The following VLDLR variants were observed in gnomAD, a reference collection of about 807,000 sequenced individuals.
VLDLR encodes the protein very low density lipoprotein receptor.
VLDLR carries 81 observed loss-of-function variants against 112.7 expected under a neutral mutation model. The ratio of observed to expected loss-of-function variants is 0.72; its 90% CI spans 0.60 to 0.86. The LOEUF (loss-of-function observed/expected upper bound fraction) is 0.86, where lower values mean the gene tolerates loss of function less well. Among genes scored for constraint, VLDLR ranks in the 40% least tolerant of loss-of-function variants. The pLI, the probability that VLDLR is intolerant of heterozygous loss-of-function variation, is 0.00. For missense variants in VLDLR, 1,237 were observed against 1,099.4 expected (o/e 1.13, Z -1.77); for synonymous variants, 436 against 384.8 (o/e 1.13, Z -1.56).
chr9:2,648,885 T>C, intron 14 of VLDLR, 75 bp downstream of exon 14: 1 of 1,593,692 alleles, frequency 6.3e-7, no homozygotes, highest in Non-Finnish European at 8.6e-7. Flanking sequence ...TGGATGTCAG[T>C]AGCTCTTGGC....
Position 2,635,569 on chromosome 9 carries a change from T to C in VLDLR, c.199T>C (p.Cys67Arg). The C allele has an allele frequency of 3.1e-6, 5 of 1,614,048 alleles. No individual in the cohort carries two copies. Among genetic ancestry groups the C allele is most frequent in the Non-Finnish European group, 4.2e-6 (5 of 1,179,896 alleles). The change falls in exon 2 of 19, where the codon TGT (cysteine) becomes CGT (arginine). Residue 67 changes from cysteine (C) to arginine (R), a missense_variant. Transcript: ENST00000382100. ...DCVDGSDEKN[C>R]VKKTCAESDF... Reference sequence around the variant, plus strand: ...TGTTGACGGCAGTGATGAAAAGAACTGTGGTAAGTAAAGAGTTTGATGACT... The same window carrying C: ...TGTTGACGGCAGTGATGAAAAGAACCGTGGTAAGTAAAGAGTTTGATGACT...
chr9:2,645,465 A>G, intron 9 of VLDLR, 109 bp from the exon 10 acceptor site: 3 of 1,349,006 alleles, frequency 2.2e-6, no homozygotes, highest in Non-Finnish European at 3.2e-6. Context: ...CTACTGAGGT[A>G]TTCCACAATA....
rs1231859554 is a variant in VLDLR, at chr9:2,622,048, C to G, written c.-142C>G. The G allele has an allele frequency of 1.2e-6, 1 of 813,562 alleles. No homozygotes were observed. The highest frequency in any genetic ancestry group is 3.2e-5 in the East Asian group (1 of 31,276). 50.4% of individuals were successfully genotyped at this position (813,562 alleles called of 1,614,324 possible). A position where few individuals can be genotyped will look rare whatever the true frequency, so the allele number is the denominator to read the frequency against. Reference sequence around the variant, plus strand: ...GTGCCCTCTTCTTCCCCGCTCCCTTCCCCCGCCAACTCCTTCCCCTCCTTC... The same window carrying G: ...GTGCCCTCTTCTTCCCCGCTCCCTTGCCCCGCCAACTCCTTCCCCTCCTTC... On this transcript the variant is annotated 5_prime_UTR_variant, in exon 1 of 19. Transcript: ENST00000382100.
chr9:2,651,604 A>G (rs1001034241), intron 16 of VLDLR, 106 bp downstream of exon 16: 7 of 1,085,074 alleles, frequency 6.5e-6, no homozygotes, highest in African/African-American at 1.6e-5. Context: ...TTCTGCCCCA[A>G]TTGGTAACCT....
intron 16 of VLDLR, 141 bp downstream of exon 16, chr9:2,651,639 ACTTGCATATCTTTTC>A (rs1421852338): frequency 2.2e-6 from 2 of 917,438 alleles, no homozygotes; most frequent in African/African-American, 1.7e-5. Context: ...AAGACTTAAA[ACTTGCATATCTTTTC>A]CTGACTGATC....
chr9:2,648,639 G>A (rs1249574531), intron 13 of VLDLR, 30 bp from the exon 14 acceptor site: 14 of 1,614,068 alleles, frequency 8.7e-6, no homozygotes, highest in Middle Eastern at 1.6e-4. Context: ...AATCCTGGAT[G>A]TACATGCTAA....
intron 11 of VLDLR, 105 bp from the exon 12 acceptor site, chr9:2,647,369 G>A (rs1428470618): frequency 4.6e-6 from 4 of 870,352 alleles, no homozygotes; most frequent in South Asian, 1.3e-5. Context: ...TGTCACTAGA[G>A]AATGCCTTGA....
chr9:2,659,594 A>G lies in VLDLR; in HGVS notation c.*5726A>G, dbSNP rs1459639281. 1 of 152,250 alleles carries G rather than the reference A, an allele frequency of 6.6e-6. No individual in the cohort carries two copies. The highest frequency in any genetic ancestry group is 1.5e-5 in the Non-Finnish European group (1 of 68,036). The allele number at this position is 152,250 out of a possible 1,614,324, so 9.4% of individuals were successfully genotyped here. A position where few individuals can be genotyped will look rare whatever the true frequency, so the allele number is the denominator to read the frequency against. On this transcript the variant is annotated 3_prime_UTR_variant, in exon 19 of 19. Transcript: ENST00000382100. Reference sequence around the variant, plus strand: ...AGGCAACTTCATTCCTATGTATAAGATATTGGGAGAAAACAAACTGTACCA... The same window carrying G: ...AGGCAACTTCATTCCTATGTATAAGGTATTGGGAGAAAACAAACTGTACCA...
chr9:2,622,428 C>G (rs901748335), intron 1 of VLDLR, 157 bp downstream of exon 1: 18 of 633,948 alleles, frequency 2.8e-5, no homozygotes, highest in African/African-American at 3.9e-5. Context: ...CGCCTCTGAG[C>G]TGTCAGCGCC....
rs771423334 is a variant in VLDLR at position 2,648,829 on chromosome 9, G to A, written c.2104+19G>A. The A allele has an allele frequency of 3.1e-6, 5 of 1,614,094 alleles. No homozygotes were observed. Among genetic ancestry groups the A allele is most frequent in the Non-Finnish European group, 3.4e-6 (4 of 1,179,994 alleles). On this transcript the variant is annotated intron_variant, in intron 14 of 18. Coordinates refer to ENST00000382100, the MANE Select transcript of VLDLR (RefSeq NM_003383.5). Reference sequence around the variant, plus strand: ...CCATCAGGTACCGTGGAGAAGCACAGTCCTTAATAACTACTTTAAGGGAAG... The same window carrying A: ...CCATCAGGTACCGTGGAGAAGCACAATCCTTAATAACTACTTTAAGGGAAG...
chr9:2,637,596 C>T (rs1432192739), intron 2 of VLDLR, among the ~76,000 whole-genome samples: 1 of 152,072 alleles, frequency 6.6e-6, no homozygotes, highest in Admixed American at 6.6e-5. Flanking sequence ...TTTGCTCAAA[C>T]ACTGTGGTAT....
chr9:2,650,334 A>C, intron 14 of VLDLR, 36 bp from the exon 15 acceptor site: 1 of 1,613,204 alleles, frequency 6.2e-7, no homozygotes, highest in Non-Finnish European at 8.5e-7. Flanking sequence ...TAGGCACCGG[A>C]ATACCCATTT....
At chr9:2,640,615 G>A (rs1817783124) in intron 3 of VLDLR, among the ~76,000 whole-genome samples, 1 of 152,158 alleles carries the variant, frequency 6.6e-6, no homozygotes, top group Non-Finnish European at 1.5e-5. Context: ...CGAATGTCAA[G>A]GCAAAGAAAG....
At chr9:2,631,790 GA>G (rs1817361992) in intron 1 of VLDLR, among the ~76,000 whole-genome samples, 1 of 151,982 alleles carries the variant, frequency 6.6e-6, no homozygotes, top group African/African-American at 2.4e-5. Flanking sequence ...TAAATCCTCG[GA>G]TTTCATCAGT....
chr9:2,643,909 A>T lies in VLDLR; in HGVS notation c.1016A>T (p.Asn339Ile), dbSNP rs1216037606. Residue 339 changes from asparagine (N) to isoleucine (I), a missense_variant, in exon 7 of 19, where the codon AAC becomes ATC. Transcript: ENST00000382100. ...GECIDISKVCNQEQDCRDWSD... is the reference protein window; with the variant it reads ...GECIDISKVCIQEQDCRDWSD... Reference sequence around the variant, plus strand: ...TGCATAGATATCAGCAAAGTATGTAACCAGGAGCAGGACTGCAGGGACTGG... The same window carrying T: ...TGCATAGATATCAGCAAAGTATGTATCCAGGAGCAGGACTGCAGGGACTGG... The T allele has an allele frequency of 1.2e-6, 2 of 1,614,134 alleles. No homozygotes were observed. Among genetic ancestry groups the T allele is most frequent in the Admixed American group, 1.7e-5 (1 of 60,026 alleles).
At position 2,651,504 on chromosome 9, in the gene VLDLR, G is replaced by T. The variant is rs1818333983; in HGVS notation, c.2335+6G>T. 6.2e-7 allele frequency: 1 copy of T among 1,611,786 alleles called. No homozygotes were observed. The highest frequency in any genetic ancestry group is 1.3e-5 in the African/African-American group (1 of 74,872). ...TAGTGGACTAGTTCCTGGAGGTATT[G>T]AGTTCAGTACTGCAAACTGTTAATC... On this transcript the variant is annotated splice_donor_region_variant and intron_variant, in intron 16 of 18. Transcript: ENST00000382100.
chr9:2,639,111 TG>T (rs1287934460), intron 2 of VLDLR, among the ~76,000 whole-genome samples: 1 of 152,252 alleles, frequency 6.6e-6, no homozygotes, highest in Non-Finnish European at 1.5e-5. Context: ...CTCAGACTGC[TG>T]TCACAAAAAT....
rs1004616978 is a variant in VLDLR, at chr9:2,657,106, C to T, written c.*3238C>T. On this transcript the variant is annotated 3_prime_UTR_variant, in exon 19 of 19. Coordinates refer to ENST00000382100, the MANE Select transcript of VLDLR (RefSeq NM_003383.5). ...AAGACTAACTCTTCAGTTAAGAACACTGTAGAAATGGTAGACCAACTTAAA... is the reference window on the plus strand; with the variant it reads ...AAGACTAACTCTTCAGTTAAGAACATTGTAGAAATGGTAGACCAACTTAAA... 6 of 152,108 alleles carry T rather than the reference C, an allele frequency of 3.9e-5. No individual in the cohort carries two copies. The highest frequency in any genetic ancestry group is 8.8e-5 in the Non-Finnish European group (6 of 68,034). The allele number at this position is 152,108 out of a possible 1,614,324, so 9.4% of individuals were successfully genotyped here.
intron 7 of VLDLR, among the ~76,000 whole-genome samples, chr9:2,644,161 T>G (rs1817954196): frequency 7.1e-6 from 1 of 140,004 alleles, no homozygotes; most frequent in Non-Finnish European, 1.5e-5. Context: ...TTGTTTTTTT[T>G]TTTTTTTTTT....
Sources: gnomAD v4.1 joint callset for allele counts (sites outside exome capture counted in the v4.1 genomes callset) on GRCh38, gnomAD v4.1.1 for gene constraint, MANE v1.5 for transcripts, NCBI Gene and HGNC (gene_info 2026-07-23, HGNC 2026-07-21) for gene names.